The following PEMT variants were observed in gnomAD, a reference collection of about 807,000 sequenced individuals.
PEMT encodes the protein phosphatidylethanolamine N-methyltransferase, also known as phospholipid methyltransferase.
A neutral mutation model predicts 27.4 loss-of-function variants in PEMT; 23 were observed. The observed-to-expected ratio is 0.84, with a 90% CI of 0.60 to 1.19. The LOEUF (loss-of-function observed/expected upper bound fraction) is 1.19. Ranked by LOEUF, PEMT falls within the 50% of genes most tolerant of loss-of-function variation. The pLI is 0.00. For synonymous variants in PEMT, 137 were observed against 139.1 expected, an observed-to-expected ratio of 0.98 and a Z score of 0.11; for missense variants, 307 against 310.1, an observed-to-expected ratio of 0.99 and a Z score of 0.07.
chr17:17,534,357 T>G (rs971473182), intron 2 of PEMT, among the ~76,000 whole-genome samples: 2 of 152,260 alleles, frequency 1.3e-5, no homozygotes, highest in Non-Finnish European at 2.9e-5. Context: ...GTATACTGTA[T>G]GATTCCATTT....
At chr17:17,541,237 C>T (rs976365728) in intron 2 of PEMT, among the ~76,000 whole-genome samples, 1 of 152,252 alleles carries the variant, frequency 6.6e-6, no homozygotes, top group African/African-American at 2.4e-5. Flanking sequence ...TCCCAGAGCC[C>T]TGCAAGGAAG....
At chr17:17,514,510 T>A (rs1424231315) in intron 3 of PEMT, among the ~76,000 whole-genome samples, 1 of 152,174 alleles carries the variant, frequency 6.6e-6, no homozygotes, top group Admixed American at 6.5e-5. Flanking sequence ...CACCGACCTG[T>A]TAAACAGCGG....
chr17:17,586,197 GGAAAGAAAGAAAGAAAGAAAAAGAAA>G (rs1567758703), intron 1 of PEMT, among the ~76,000 whole-genome samples: 9 of 106,990 alleles, frequency 8.4e-5, no homozygotes, highest in African/African-American at 2.8e-4. Context: ...AAAGAAGGAA[GGAAAGAAAGAAAGAAAGAAAAAGAAA>G]GAAAGAAAGA....
Position 17,512,715 on chromosome 17 carries a change from G to A in PEMT, c.321-61C>T, listed in dbSNP as rs1906514445. 69 of 1,424,866 alleles carry A rather than the reference G, an allele frequency of 4.8e-5. 1 individual carries two copies. In the South Asian group the frequency reaches 1.0e-3, roughly 21 times the overall value. The allele number at this position is 1,424,866 out of a possible 1,614,324, so 88.3% of individuals were successfully genotyped here. ...CCAGGGAGGATGTCACAGCCCGGGA[G>A]GAGGCCGACCTCATCTTCTCGCCCT... On this transcript the variant is annotated intron_variant, in intron 3 of 6. Transcript: ENST00000255389. The surrounding 1 kb of genome is among the most constrained non-coding windows in gnomAD (Gnocchi z 6.3).
intron 3 of PEMT, chr17:17,518,978 A>G (rs1350619184): frequency 6.6e-6 from 1 of 152,270 alleles, no homozygotes; most frequent in Non-Finnish European, 1.5e-5. Flanking sequence ...AAAATGGTTC[A>G]TAACAGTTTA....
At position 17,541,508 on chromosome 17, in the gene PEMT, G is replaced by A. The variant is rs912969459; in HGVS notation, c.205-19113C>T. On this transcript the variant is annotated intron_variant, in intron 2 of 6. Coordinates refer to ENST00000255389, the MANE Select transcript of PEMT (RefSeq NM_148172.3). ...GCAGCAGCGGGGCATGGGCAGGCTC[G>A]GACATGGCGGGCCTCATCCCAAGGC... is the stretch of plus-strand genomic sequence containing the variant. Among the ~76,000 whole-genome samples the A allele has an allele frequency of 3.3e-5, 5 of 152,188 alleles. No homozygotes were observed. In the South Asian group the frequency reaches 6.2e-4, roughly 19 times the overall value.
chr17:17,559,847 A>G (rs929371125), intron 2 of PEMT, among the ~76,000 whole-genome samples: 1 of 152,222 alleles, frequency 6.6e-6, no homozygotes, highest in African/African-American at 2.4e-5. Flanking sequence ...AGCCCAGGCC[A>G]ATCAGTGGTG....
At chr17:17,570,071 T>C (rs1372006850) in intron 2 of PEMT, among the ~76,000 whole-genome samples, 1 of 152,230 alleles carries the variant, frequency 6.6e-6, no homozygotes, top group Non-Finnish European at 1.5e-5. Flanking sequence ...AACCAGTCAA[T>C]GGGCAATCCA....
intron 2 of PEMT, among the ~76,000 whole-genome samples, chr17:17,558,565 A>G (rs888090972): frequency 2.0e-5 from 3 of 151,014 alleles, no homozygotes; most frequent in Admixed American, 6.6e-5. Flanking sequence ...GTGTGGCTGT[A>G]TTCCCAGCTA....
At position 17,577,094 on chromosome 17, in the gene PEMT, G is replaced by A. The variant is rs1481222776; in HGVS notation, c.97-67C>T. 2.4e-6 allele frequency: 3 copies of A among 1,229,748 alleles called. No individual in the cohort carries two copies. In the South Asian group the frequency reaches 3.6e-5, roughly 15 times the overall value. The allele number at this position is 1,229,748 out of a possible 1,614,324, so 76.2% of individuals were successfully genotyped here. ...AGGGCCTGTGAGCCCCCAGGAGTCG[G>A]AGAAAAAGTTACCCTCTGGGAACAC... On this transcript the variant is annotated intron_variant, in intron 1 of 6. Coordinates refer to ENST00000255389, the MANE Select transcript of PEMT (RefSeq NM_148172.3).
Position 17,523,022 on chromosome 17 carries a change from T to G in PEMT, c.205-627A>C, listed in dbSNP as rs1187970971. 6.6e-6 allele frequency among the ~76,000 whole-genome samples: 1 copy of G among 152,174 alleles called. No individual in the cohort carries two copies. Among genetic ancestry groups the G allele is most frequent in the Non-Finnish European group, 1.5e-5 (1 of 68,034 alleles). ...TGTTTTTTTTCAAACTAATCACATCTGGAATCTCAACATCTGGCCACCAAC... is the reference window on the plus strand; with the variant it reads ...TGTTTTTTTTCAAACTAATCACATCGGGAATCTCAACATCTGGCCACCAAC... On this transcript the variant is annotated intron_variant, in intron 2 of 6. Coordinates refer to ENST00000255389, the MANE Select transcript of PEMT (RefSeq NM_148172.3). The surrounding 1 kb of genome is among the most constrained non-coding windows in gnomAD (Gnocchi z 4.8).
intron 2 of PEMT, among the ~76,000 whole-genome samples, chr17:17,563,037 C>G (rs1054520162): frequency 9.9e-5 from 15 of 152,186 alleles, no homozygotes; most frequent in African/African-American, 3.6e-4. Flanking sequence ...GCTGGTGACT[C>G]TGACGCCTGC....
At chr17:17,514,510 T>C (rs1424231315) in intron 3 of PEMT, among the ~76,000 whole-genome samples, 1 of 152,174 alleles carries the variant, frequency 6.6e-6, no homozygotes, top group Non-Finnish European at 1.5e-5. Flanking sequence ...CACCGACCTG[T>C]TAAACAGCGG....
At chr17:17,555,629 C>T (rs1909995194) in intron 2 of PEMT, among the ~76,000 whole-genome samples, 1 of 152,212 alleles carries the variant, frequency 6.6e-6, no homozygotes, top group Non-Finnish European at 1.5e-5. Context: ...GGGTTCCACT[C>T]AGAAGGTGGC....
intron 2 of PEMT, among the ~76,000 whole-genome samples, chr17:17,575,100 GGT>G (rs1268681924): frequency 1.3e-5 from 2 of 152,218 alleles, no homozygotes; most frequent in African/African-American, 4.8e-5. Flanking sequence ...CCAAAATCAA[GGT>G]GCCGACTGGG....
chr17:17,570,776 G>A, intron 2 of PEMT: 1 of 985,476 alleles, frequency 1.0e-6, no homozygotes, highest in South Asian at 4.7e-5. Context: ...GAGGAGCAGT[G>A]GGGAGACTGG....
At chr17:17,505,873 C>A in intron 6 of PEMT, 25 bp from the exon 7 acceptor site, 1 of 1,602,108 alleles carries the variant, frequency 6.2e-7, no homozygotes, top group Non-Finnish European at 8.5e-7. Flanking sequence ...GGAGAGGCTT[C>A]GGTCAGCAGG....
Position 17,526,454 on chromosome 17 carries a change from C to T in PEMT, c.205-4059G>A, listed in dbSNP as rs143990093. Among the ~76,000 whole-genome samples the T allele has an allele frequency of 4.1e-3, 621 of 152,346 alleles. 12 individuals carry two copies. The highest frequency in any genetic ancestry group is 9.4e-3 in the East Asian group (49 of 5,192). ...GGACAGTACCCCCCACCCCGATCCC[C>T]GGCCAGCGTGGAAGGAGGGGTAGAG... On this transcript the variant is annotated intron_variant, in intron 2 of 6. Transcript: ENST00000255389.
chr17:17,575,244 G>T (rs1911498031), intron 2 of PEMT, among the ~76,000 whole-genome samples: 1 of 152,172 alleles, frequency 6.6e-6, no homozygotes, highest in South Asian at 2.1e-4. Context: ...AGACACTCCT[G>T]TGTTTCAATG....
Sources: allele counts gnomAD v4.1 joint callset (sites outside exome capture counted in the v4.1 genomes callset), GRCh38; gene constraint gnomAD v4.1.1; non-coding constraint Gnocchi (gnomAD v3.1); transcripts MANE v1.5; gene names NCBI Gene and HGNC (gene_info 2026-07-23, HGNC 2026-07-21).